Variants in RPH3AL observed in about 807,000 individuals in gnomAD.
RPH3AL encodes rabphilin 3A like (without C2 domains), also known as rab effector Noc2.
In RPH3AL, 38 loss-of-function variants were observed where a neutral mutation model predicts 43.1. That is an observed-to-expected ratio of 0.88 (90% CI 0.68 to 1.15). RPH3AL has a LOEUF of 1.15. Among genes scored for constraint, RPH3AL ranks in the 50% most tolerant of loss-of-function variants. The probability of loss-of-function intolerance (pLI) is 0.00; values close to 1 mark genes in which losing one functional copy is unlikely to be tolerated. For synonymous variants in RPH3AL, 189 were observed against 176.3 expected, an observed-to-expected ratio of 1.07 and a Z score of -0.57; for missense variants, 462 against 423.2, an observed-to-expected ratio of 1.09 and a Z score of -0.81.
At chr17:233,061 G>C (rs1167447970) in intron 7 of RPH3AL, among the ~76,000 whole-genome samples, 1 of 152,014 alleles carries the variant, frequency 6.6e-6, no homozygotes, top group East Asian at 1.9e-4. Context: ...ATGGCACTTA[G>C]TGAGCGCTTA....
At chr17:294,323 C>T (rs896827464) in intron 5 of RPH3AL, among the ~76,000 whole-genome samples, 4 of 152,150 alleles carry the variant, frequency 2.6e-5, no homozygotes, top group African/African-American at 9.6e-5. Context: ...AAAAATTAGC[C>T]GAGCATGCTG....
intron 6 of RPH3AL, among the ~76,000 whole-genome samples, chr17:248,205 C>T (rs1000031365): frequency 6.6e-6 from 1 of 152,314 alleles, no homozygotes; most frequent in South Asian, 2.1e-4. Flanking sequence ...CCTCAGCTGT[C>T]CCAAGTCCCC....
chr17:326,793 T>C (rs546060646), intron 3 of RPH3AL, among the ~76,000 whole-genome samples: 4 of 152,292 alleles, frequency 2.6e-5, no homozygotes, highest in African/African-American at 9.6e-5. Flanking sequence ...GGAGAATTGC[T>C]TAAACCAGGG....
intron 5 of RPH3AL, among the ~76,000 whole-genome samples, chr17:318,024 T>C (rs2044345264): frequency 6.6e-6 from 1 of 151,912 alleles, no homozygotes; most frequent in African/African-American, 2.4e-5. Context: ...TTAGTTCCCT[T>C]GCCCAATATC....
rs1168979395 is a variant in RPH3AL at position 247,017 on chromosome 17, G to A, written c.613+94C>T. 2.2e-6 allele frequency: 3 copies of A among 1,335,208 alleles called. No individual in the cohort carries two copies. The African/African-American group carries it at 4.3e-5, about 19-fold the overall frequency. The allele number at this position is 1,335,208 out of a possible 1,614,324, so 82.7% of individuals were successfully genotyped here. On this transcript the variant is annotated intron_variant, in intron 7 of 9. Transcript: ENST00000331302. ...CCAGAATGAGCCTCGTGGATGGAGG[G>A]TGCGGGGGACTGGCCTTGTGCCTGC...
chr17:218,163 C>G (rs990033260), intron 8 of RPH3AL, among the ~76,000 whole-genome samples: 3 of 146,068 alleles, frequency 2.1e-5, no homozygotes, highest in Admixed American at 6.8e-5. Context: ...TCATTCCCAT[C>G]TGGGGCAGTT....
chr17:268,001 C>T (rs1318918826), intron 6 of RPH3AL, among the ~76,000 whole-genome samples: 2 of 152,064 alleles, frequency 1.3e-5, no homozygotes, highest in East Asian at 3.9e-4. Context: ...TCCCGTAAAC[C>T]CACCCTCCCT....
chr17:312,580 C>T (rs2043671416), intron 5 of RPH3AL, among the ~76,000 whole-genome samples: 1 of 152,218 alleles, frequency 6.6e-6, no homozygotes, highest in Admixed American at 6.5e-5. Context: ...TCTGCTCCAT[C>T]GTTGGTAACA....
intron 6 of RPH3AL, among the ~76,000 whole-genome samples, chr17:248,540 C>G (rs2041817826): frequency 6.6e-6 from 1 of 152,146 alleles, no homozygotes; most frequent in Non-Finnish European, 1.5e-5. Flanking sequence ...ACAGACACCC[C>G]CAAAGGCTGG....
intron 6 of RPH3AL, among the ~76,000 whole-genome samples, chr17:268,646 C>T (rs535826195): frequency 8.1e-4 from 119 of 147,732 alleles, no homozygotes; most frequent in East Asian, 3.8e-3. Flanking sequence ...CTGCAGCCTC[C>T]GCCTCCCAGG....
chr17:215,696 G>A lies in RPH3AL; in HGVS notation c.834C>T (p.Asp278=). The A allele has an allele frequency of 7.8e-7, 1 of 1,277,536 alleles. No homozygotes were observed. The highest frequency in any genetic ancestry group is 9.9e-7 in the Non-Finnish European group (1 of 1,006,730). The allele number at this position is 1,277,536 out of a possible 1,614,324, so 79.1% of individuals were successfully genotyped here. A position where few individuals can be genotyped will look rare whatever the true frequency, so the allele number is the denominator to read the frequency against. Reference sequence around the variant, plus strand: ...GCCCGGGGCGGGGTCCCCCTGGCGGGTCAGCAGAGCCTGTCCCCGTCTCAC... The same window carrying A: ...GCCCGGGGCGGGGTCCCCCTGGCGGATCAGCAGAGCCTGTCCCCGTCTCAC... ...ASGETGTGSA[D]PPGGPRPGLT... The change falls in exon 9 of 10, where the codon GAC becomes GAT. Residue 278 remains aspartate (D), a synonymous_variant. Transcript: ENST00000331302. The surrounding 1 kb of genome is among the most constrained non-coding windows in gnomAD (Gnocchi z 4.1).
chr17:320,840 G>C (rs1381901677), intron 4 of RPH3AL, among the ~76,000 whole-genome samples: 3 of 152,248 alleles, frequency 2.0e-5, no homozygotes, highest in Non-Finnish European at 4.4e-5. Flanking sequence ...GTCGGCGCTG[G>C]AGGCGGAGGC....
rs1370198114 is a variant in RPH3AL at position 264,817 on chromosome 17, G to A, written c.438+16951C>T. Among the ~76,000 whole-genome samples the A allele has an allele frequency of 6.6e-6, 1 of 152,206 alleles. No homozygotes were observed. Among genetic ancestry groups the A allele is most frequent in the Non-Finnish European group, 1.5e-5 (1 of 68,046 alleles). On this transcript the variant is annotated intron_variant, in intron 6 of 9. Transcript: ENST00000331302. This position sits in a 1 kb window ranked among gnomAD's most constrained non-coding sequence, Gnocchi z 4.8. ...ACAGCTCAGGTGACCAATGGTTGAA[G>A]TGAAATAAACATCTCAAGAATGGGG...
chr17:284,108 C>T (rs1422463261), intron 5 of RPH3AL, among the ~76,000 whole-genome samples: 2 of 152,230 alleles, frequency 1.3e-5, no homozygotes, highest in Admixed American at 6.5e-5. Flanking sequence ...ACCTTATAAA[C>T]ATGCAGAGTG....
intron 7 of RPH3AL, among the ~76,000 whole-genome samples, chr17:243,726 T>A (rs2041656175): frequency 6.8e-6 from 1 of 147,640 alleles, no homozygotes; most frequent in African/African-American, 2.5e-5. Flanking sequence ...TTACCCTTCC[T>A]CTATTGATTA....
chr17:244,714 C>T (rs1047171193), intron 7 of RPH3AL, among the ~76,000 whole-genome samples: 5 of 152,290 alleles, frequency 3.3e-5, no homozygotes, highest in African/African-American at 1.2e-4. Flanking sequence ...AGCATGGGGC[C>T]ACTGCCCTCC....
At chr17:262,826 A>G (rs911859609) in intron 6 of RPH3AL, among the ~76,000 whole-genome samples, 1 of 152,168 alleles carries the variant, frequency 6.6e-6, no homozygotes, top group Admixed American at 6.5e-5. Flanking sequence ...GACAGCCCCT[A>G]TGCCACAAAG....
intron 5 of RPH3AL, among the ~76,000 whole-genome samples, chr17:310,887 C>G (rs554083912): frequency 1.3e-5 from 2 of 152,122 alleles, no homozygotes; most frequent in Non-Finnish European, 2.9e-5. Context: ...TCCAGCGACT[C>G]GGGTTCTAGG....
At chr17:237,707 C>G (rs114089318) in intron 7 of RPH3AL, among the ~76,000 whole-genome samples, 2,166 of 152,296 alleles carry the variant, frequency 0.014, 50 homozygotes, top group African/African-American at 0.049. Context: ...ACAAGGCTTT[C>G]AATGATACCC....
Sources: allele counts gnomAD v4.1 joint callset (sites outside exome capture counted in the v4.1 genomes callset), GRCh38; gene constraint gnomAD v4.1.1; non-coding constraint Gnocchi (gnomAD v3.1); transcripts MANE v1.5; gene names NCBI Gene and HGNC (gene_info 2026-07-23, HGNC 2026-07-21).